Variants in UMODL1 observed in about 807,000 individuals in gnomAD.
UMODL1 encodes the protein uromodulin like 1.
A neutral mutation model predicts 136.3 loss-of-function variants in UMODL1; 128 were observed. The observed-to-expected ratio is 0.94, with a 90% CI of 0.81 to 1.09. The LOEUF is 1.09. UMODL1 is among the 50% of genes least tolerant of loss of function. UMODL1 has a pLI of 0.00. For missense variants in UMODL1, 1,766 were observed against 1,725.6 expected, an observed-to-expected ratio of 1.02 and a Z score of -0.41; for synonymous variants, 721 against 720.0, an observed-to-expected ratio of 1.00 and a Z score of -0.02.
At chr21:42,105,844 G>A (rs2066708419) in intron 9 of UMODL1, among the ~76,000 whole-genome samples, 1 of 152,190 alleles carries the variant, frequency 6.6e-6, no homozygotes, top group African/African-American at 2.4e-5. Flanking sequence ...CAGCTGGTGT[G>A]TTTGTGATGG....
intron 9 of UMODL1, chr21:42,108,625 G>A (rs971516372): frequency 1.2e-5 from 4 of 337,812 alleles, no homozygotes; most frequent in East Asian, 1.5e-4. Flanking sequence ...ACCTCCACCC[G>A]CAGCTCTACA....
intron 6 of UMODL1, among the ~76,000 whole-genome samples, chr21:42,091,690 A>G (rs2066493995): frequency 6.6e-6 from 1 of 152,230 alleles, no homozygotes; most frequent in African/African-American, 2.4e-5. Flanking sequence ...AGGTGTTTCC[A>G]TTGGAGAGGA....
Position 42,132,476 on chromosome 21 carries a change from A to G in UMODL1, c.3775+2679A>G, listed in dbSNP as rs562676543. On this transcript the variant is annotated intron_variant, in intron 21 of 22. Coordinates refer to ENST00000408910, the MANE Select transcript of UMODL1 (RefSeq NM_001004416.3). ...TCCATCTATCCACCATCATCCATCT[A>G]TCATCATCCATTCGTCCATCTATCA... Among the ~76,000 whole-genome samples the G allele has an allele frequency of 4.0e-5, 6 of 150,240 alleles. No individual in the cohort carries two copies. In the East Asian group the frequency reaches 1.0e-3, roughly 25 times the overall value.
rs781255296 is a variant in UMODL1, at chr21:42,113,697, T to G, written c.2229T>G (p.Pro743=). The G allele has an allele frequency of 1.2e-6, 2 of 1,614,074 alleles. No individual in the cohort carries two copies. The highest frequency in any genetic ancestry group is 2.7e-5 in the African/African-American group (2 of 75,038). Residue 743 remains proline (P), a synonymous_variant, in exon 13 of 23, where the codon CCT becomes CCG. Transcript: ENST00000408910. The part of the protein sequence containing the change: ...FQLTLTSMWS[P]AVVLETWNTS... ...TCACTCTGACTTCCATGTGGAGCCC[T>G]GCTGTGGTCCTAGAGACCTGGAACA...
At chr21:42,075,081 G>GT (rs983943116) in intron 1 of UMODL1, among the ~76,000 whole-genome samples, 5 of 151,974 alleles carry the variant, frequency 3.3e-5, no homozygotes, top group Non-Finnish European at 7.4e-5. Flanking sequence ...TGTATTTTTA[G>GT]TAGAGAGGGG....
Position 42,127,670 on chromosome 21 carries a change from A to C in UMODL1, c.3531-2A>C. ...AAGGAGTCCCATTTCCTCTCTTCTC[A>C]GCTGCCCTGTGCCCAACACATACAC... On this transcript the variant is annotated splice_acceptor_variant, in intron 19 of 22. Transcript: ENST00000408910. LOFTEE classifies it high-confidence loss of function. 1 of 1,612,592 alleles carries C rather than the reference A, an allele frequency of 6.2e-7. No individual in the cohort carries two copies. Among genetic ancestry groups the C allele is most frequent in the Middle Eastern group, 1.7e-4 (1 of 6,056 alleles).
intron 17 of UMODL1, 84 bp from the exon 18 acceptor site, chr21:42,126,261 C>A: frequency 6.3e-7 from 1 of 1,579,932 alleles, no homozygotes; most frequent in South Asian, 1.1e-5. Flanking sequence ...CCCCATCCCC[C>A]CAGCACCTAG....
At chr21:42,100,463 C>G (rs1057169628) in intron 7 of UMODL1, among the ~76,000 whole-genome samples, 1 of 151,948 alleles carries the variant, frequency 6.6e-6, no homozygotes, top group Non-Finnish European at 1.5e-5. Flanking sequence ...CACGGGCATC[C>G]AGAAAGCCCT....
chr21:42,065,382 G>A (rs2066174751), intron 1 of UMODL1, among the ~76,000 whole-genome samples: 1 of 152,148 alleles, frequency 6.6e-6, no homozygotes, highest in African/African-American at 2.4e-5. Flanking sequence ...GAATGGCCCT[G>A]ATGGGTCTAG....
At chr21:42,095,810 A>G (rs923584971) in intron 6 of UMODL1, among the ~76,000 whole-genome samples, 4 of 151,146 alleles carry the variant, frequency 2.6e-5, no homozygotes, top group African/African-American at 9.7e-5. Flanking sequence ...GGGATCCTAG[A>G]AGAACTTATT....
intron 9 of UMODL1, among the ~76,000 whole-genome samples, chr21:42,104,845 CAGAG>C (rs2066692992): frequency 6.6e-6 from 1 of 152,214 alleles, no homozygotes. Flanking sequence ...CACAAAGAGA[CAGAG>C]AGATAAAGAG....
intron 14 of UMODL1, among the ~76,000 whole-genome samples, chr21:42,118,186 C>T (rs2066923547): frequency 6.6e-6 from 1 of 152,156 alleles, no homozygotes; most frequent in Non-Finnish European, 1.5e-5. Flanking sequence ...TGCCAGATTC[C>T]TCTGAGAGAA....
intron 2 of UMODL1, among the ~76,000 whole-genome samples, chr21:42,077,002 G>T (rs985655516): frequency 8.8e-6 from 1 of 113,170 alleles, no homozygotes; most frequent in African/African-American, 3.1e-5. Context: ...CCAGGGGAGG[G>T]GTGTGTGTGT....
chr21:42,107,811 T>G (rs1328903459), intron 9 of UMODL1, among the ~76,000 whole-genome samples: 1 of 152,190 alleles, frequency 6.6e-6, no homozygotes, highest in Non-Finnish European at 1.5e-5. Flanking sequence ...CTTGTTGTTC[T>G]GGGTGGGGCC....
In UMODL1 at chr21:42,127,053, C is replaced by T. The variant is rs749824711; in HGVS notation, c.3341C>T (p.Thr1114Ile). The T allele has an allele frequency of 2.5e-6, 4 of 1,614,056 alleles. No homozygotes were observed. In the South Asian group the frequency reaches 3.3e-5, roughly 13 times the overall value. Residue 1114 changes from threonine (T) to isoleucine (I), a missense_variant, in exon 19 of 23, where the codon ACC becomes ATC. Coordinates refer to ENST00000408910, the MANE Select transcript of UMODL1 (RefSeq NM_001004416.3). The stretch of plus-strand genomic sequence containing the variant: ...CTCCACGGCGCTGGGAATTTTGTTA[C>T]CGAAATGCAGTTGTTTATCGGAGAC... ...EDLHGAGNFV[T>I]EMQLFIGDSP...
intron 14 of UMODL1, among the ~76,000 whole-genome samples, chr21:42,118,206 G>C (rs1199339803): frequency 6.6e-6 from 1 of 152,194 alleles, no homozygotes; most frequent in Non-Finnish European, 1.5e-5. Context: ...AAGAGAGAGG[G>C]AAGAACTGAT....
intron 2 of UMODL1, among the ~76,000 whole-genome samples, chr21:42,077,005 GTGTGTGT>G (rs2066300669): frequency 9.0e-4 from 4 of 4,420 alleles, no homozygotes; most frequent in South Asian, 6.5e-3. Context: ...GGGGAGGGGT[GTGTGTGT>G]GTGTGTGTGT....
At chr21:42,084,351 C>T in intron 3 of UMODL1, 106 bp downstream of exon 3, 1 of 1,294,762 alleles carries the variant, frequency 7.7e-7, no homozygotes, top group Non-Finnish European at 1.0e-6. Context: ...GGAGCAGTGA[C>T]CGATTTCATC....
In UMODL1 at chr21:42,122,881, AC is replaced by A; in HGVS notation, c.2880del (p.Thr961GlnfsTer23). The A allele has an allele frequency of 6.2e-7, 1 of 1,612,028 alleles. No individual in the cohort carries two copies. Among genetic ancestry groups the A allele is most frequent in the Non-Finnish European group, 8.5e-7 (1 of 1,178,576 alleles). The stretch of plus-strand genomic sequence containing the variant: ...GGCCACCAGCCCAGAGAGGCCTCTC[AC>A]CACAGCAGGGACCAAGGCTGCCTTT... The part of the protein sequence containing the change: ...TWATSPERPL[T>X]TAGTKAAFVQ... On this transcript the variant is annotated frameshift_variant, in exon 17 of 23. Transcript: ENST00000408910. LOFTEE classifies it high-confidence loss of function. This position sits in a 1 kb window ranked among gnomAD's most constrained non-coding sequence, Gnocchi z 4.3.
Sources: gnomAD v4.1 joint callset for allele counts (sites outside exome capture counted in the v4.1 genomes callset) on GRCh38, gnomAD v4.1.1 for gene constraint, Gnocchi (gnomAD v3.1) non-coding constraint, MANE v1.5 for transcripts, NCBI Gene and HGNC (gene_info 2026-07-23, HGNC 2026-07-21) for gene names.